FAM114A1: variants seen among roughly 807,000 people sequenced by gnomAD.
FAM114A1 encodes family with sequence similarity 114 member A1.
A neutral mutation model predicts 64.3 loss-of-function variants in FAM114A1; 62 were observed. The observed-to-expected ratio is 0.96, with a 90% confidence interval of 0.79 to 1.19. The LOEUF (loss-of-function observed/expected upper bound fraction) is 1.19. Among genes scored for constraint, FAM114A1 ranks in the 50% most tolerant of loss-of-function variants. The pLI is 0.00. For synonymous variants in FAM114A1, 254 were observed against 251.1 expected (o/e 1.01, Z -0.11); for missense variants, 645 against 676.3 (o/e 0.95, Z 0.51).
At chr4:38,882,164 T>G (rs1288579373) in intron 3 of FAM114A1, among the ~76,000 whole-genome samples, 1 of 140,832 alleles carries the variant, frequency 7.1e-6, no homozygotes, top group Non-Finnish European at 1.5e-5. Flanking sequence ...TACAAAAAAT[T>G]AGCCGGGCGC....
At chr4:38,943,247 T>G (rs915393766) in intron 14 of FAM114A1, among the ~76,000 whole-genome samples, 9 of 151,824 alleles carry the variant, frequency 5.9e-5, no homozygotes, top group Admixed American at 1.3e-4. Context: ...TTTGAGTGAA[T>G]TATTCTCTCT....
At chr4:38,872,078 C>T (rs929112058) in intron 2 of FAM114A1, among the ~76,000 whole-genome samples, 3 of 152,176 alleles carry the variant, frequency 2.0e-5, no homozygotes, top group African/African-American at 7.2e-5. Context: ...TTTCATGTCA[C>T]CAGTGAAAAA....
chr4:38,910,816 A>T (rs1373171758), intron 7 of FAM114A1, among the ~76,000 whole-genome samples: 1 of 152,098 alleles, frequency 6.6e-6, no homozygotes, highest in Non-Finnish European at 1.5e-5. Context: ...GATGGAGAGG[A>T]GTGGGCTCCG....
intron 3 of FAM114A1, among the ~76,000 whole-genome samples, chr4:38,885,875 T>G (rs1008218935): frequency 2.6e-5 from 4 of 152,164 alleles, no homozygotes; most frequent in Non-Finnish European, 5.9e-5. Flanking sequence ...ACAATATGCA[T>G]GTAGAAGCAT....
chr4:38,881,229 A>G (rs919039095), intron 3 of FAM114A1, among the ~76,000 whole-genome samples: 4 of 151,952 alleles, frequency 2.6e-5, no homozygotes, highest in African/African-American at 9.7e-5. Flanking sequence ...GTATGCTTCT[A>G]CCACATTTGC....
In FAM114A1 at chr4:38,941,037, A is replaced by T. The variant is rs371583490; in HGVS notation, c.1590+16A>T. The T allele has an allele frequency of 1.8e-5, 29 of 1,608,962 alleles. No homozygotes were observed. In the African/African-American group the frequency reaches 3.9e-4, roughly 22 times the overall value. On this transcript the variant is annotated intron_variant, in intron 14 of 14. Transcript: ENST00000358869. The stretch of plus-strand genomic sequence containing the variant: ...ATTGTTAGAGGTAAGTGGCCTCTGG[A>T]GAGAAAGTGCTTCTGAATCAAAGTA...
intron 6 of FAM114A1, 67 bp downstream of exon 6, chr4:38,905,928 T>C: frequency 5.7e-6 from 8 of 1,395,814 alleles, no homozygotes; most frequent in Non-Finnish European, 7.8e-6. Flanking sequence ...TATTTCCATT[T>C]ACCAGTGACC....
At chr4:38,910,779 A>T (rs1718461500) in intron 7 of FAM114A1, among the ~76,000 whole-genome samples, 1 of 152,192 alleles carries the variant, frequency 6.6e-6, no homozygotes, top group African/African-American at 2.4e-5. Context: ...AGTGTCTGGC[A>T]TGAACACAGA....
intron 4 of FAM114A1, among the ~76,000 whole-genome samples, chr4:38,898,881 T>C (rs1717209676): frequency 6.6e-6 from 1 of 150,436 alleles, no homozygotes; most frequent in South Asian, 2.1e-4. Flanking sequence ...TAGAAGAGTC[T>C]GAAACACAGT....
Position 38,943,572 on chromosome 4 carries a change from A to T in FAM114A1, c.*15A>T, listed in dbSNP as rs755413127. ...CACAGCCGTGACCTGGCCAGACTCC[A>T]TCTAGTTAAAGGAGACAGCTGGCCG... On this transcript the variant is annotated 3_prime_UTR_variant, in exon 15 of 15. Coordinates refer to ENST00000358869, the MANE Select transcript of FAM114A1 (RefSeq NM_138389.4). The T allele has an allele frequency of 1.2e-6, 2 of 1,611,254 alleles. No individual in the cohort carries two copies.
chr4:38,914,001 G>A (rs560573050), intron 7 of FAM114A1, among the ~76,000 whole-genome samples: 1 of 152,194 alleles, frequency 6.6e-6, no homozygotes, highest in East Asian at 1.9e-4. Context: ...TCGGGAGGCT[G>A]AGGCAGGAGA....
chr4:38,929,780 T>C (rs1720479066), intron 10 of FAM114A1, among the ~76,000 whole-genome samples: 1 of 151,978 alleles, frequency 6.6e-6, no homozygotes, highest in African/African-American at 2.4e-5. Context: ...CTCTCTCAAA[T>C]TTTAAAAAAA....
At position 38,925,333 on chromosome 4, in the gene FAM114A1, C is replaced by T. The variant is rs932508806; in HGVS notation, c.1069+2440C>T. On this transcript the variant is annotated intron_variant, in intron 9 of 14. Transcript: ENST00000358869. ...TGAAGAACTGGGAGAAAAGAATAGA[C>T]GTTGTCATTAAATCAATCCAATTAT... Among the ~76,000 whole-genome samples, 9 of 152,250 alleles carry T rather than the reference C, an allele frequency of 5.9e-5. No individual in the cohort carries two copies. The South Asian group carries it at 1.2e-3, about 21-fold the overall frequency.
intron 8 of FAM114A1, among the ~76,000 whole-genome samples, chr4:38,919,421 C>T (rs60258453): frequency 0.094 from 14,299 of 152,204 alleles, 1,753 homozygotes; most frequent in African/African-American, 0.28. Context: ...CCCCTGTAAG[C>T]AGCACCTCTT....
chr4:38,880,713 T>G (rs74565760), intron 3 of FAM114A1, among the ~76,000 whole-genome samples: 1,963 of 152,338 alleles, frequency 0.013, 47 homozygotes, highest in African/African-American at 0.044. Context: ...ATTTTCATCC[T>G]AAGTGCTACT....
At chr4:38,932,402 T>C (rs1164995075) in intron 12 of FAM114A1, 28 bp downstream of exon 12, 1 of 1,566,938 alleles carries the variant, frequency 6.4e-7, no homozygotes, top group Admixed American at 2.0e-5. Context: ...TAAATTCTTA[T>C]TTTCCCAGTT....
chr4:38,887,178 A>T (rs1418396454), intron 3 of FAM114A1, among the ~76,000 whole-genome samples: 1 of 152,202 alleles, frequency 6.6e-6, no homozygotes, highest in Non-Finnish European at 1.5e-5. Flanking sequence ...TATTTTGTGC[A>T]TAAAAAGAAC....
At chr4:38,913,698 A>C (rs1579363725) in intron 7 of FAM114A1, among the ~76,000 whole-genome samples, 1 of 152,140 alleles carries the variant, frequency 6.6e-6, no homozygotes, top group East Asian at 1.9e-4. Context: ...CCCTAAGTTA[A>C]TATTCTTAAT....
chr4:38,923,530 A>G (rs1719828318), intron 9 of FAM114A1, among the ~76,000 whole-genome samples: 1 of 152,162 alleles, frequency 6.6e-6, no homozygotes, highest in South Asian at 2.1e-4. Context: ...CTATGCTGCC[A>G]CTTATAATTT....
Sources: allele counts gnomAD v4.1 joint callset (sites outside exome capture counted in the v4.1 genomes callset), GRCh38; gene constraint gnomAD v4.1.1; transcripts MANE v1.5; gene names NCBI Gene and HGNC (gene_info 2026-07-23, HGNC 2026-07-21).